Variants in MYO16 observed in about 807,000 individuals in gnomAD.
MYO16 encodes the protein unconventional myosin-XVI.
Under a neutral mutation model 205.3 loss-of-function variants are expected in MYO16, and 94 were observed. The observed-to-expected ratio is 0.46, with a 90% confidence interval of 0.39 to 0.54. MYO16 has a LOEUF of 0.54. MYO16 is among the 20% of genes least tolerant of loss of function. The pLI, the probability that MYO16 is intolerant of heterozygous loss-of-function variation, is 0.00. For missense variants in MYO16, 2,315 were observed against 2,387.5 expected (o/e 0.97, Z 0.63); for synonymous variants, 988 against 954.0 (o/e 1.04, Z -0.66).
At chr13:109,037,255 T>G (rs2139570279) in intron 23 of MYO16, among the ~76,000 whole-genome samples, 2 of 152,352 alleles carry the variant, frequency 1.3e-5, no homozygotes, top group East Asian at 1.9e-4. Flanking sequence ...TATGCGAAGT[T>G]ATTGCCCCTT....
At chr13:108,876,757 C>A (rs1879346705) in intron 12 of MYO16, among the ~76,000 whole-genome samples, 1 of 151,528 alleles carries the variant, frequency 6.6e-6, no homozygotes, top group Non-Finnish European at 1.5e-5. Flanking sequence ...ACCTCTGCCT[C>A]CCAGGTTCAA....
At chr13:108,557,013 C>G in the MYO16 span, among the ~76,000 whole-genome samples, 5 of 152,106 alleles carry the variant, frequency 3.3e-5, no homozygotes, top group Admixed American at 1.3e-4. Flanking sequence ...ATGCTGGTAC[C>G]GTGGTATTTT....
At chr13:109,201,103 T>C (rs1210568721) in intron 34 of MYO16, among the ~76,000 whole-genome samples, 1 of 152,206 alleles carries the variant, frequency 6.6e-6, no homozygotes, top group African/African-American at 2.4e-5. Context: ...TATTTTCATA[T>C]CCTTTTCTCT....
chr13:108,782,097 CA>C (rs1886322324), intron 4 of MYO16, among the ~76,000 whole-genome samples: 2 of 152,130 alleles, frequency 1.3e-5, no homozygotes, highest in Admixed American at 1.3e-4. Context: ...GGGTAACAGG[CA>C]GAGGTTGGAG....
intron 1 of MYO16, among the ~76,000 whole-genome samples, chr13:108,653,650 T>C (rs1488500538): frequency 6.6e-6 from 1 of 151,992 alleles, no homozygotes; most frequent in Non-Finnish European, 1.5e-5. Context: ...ACTGGTATCA[T>C]TTAGTATGTT....
chr13:109,125,306 T>A lies in MYO16; in HGVS notation c.3730T>A (p.Tyr1244Asn). The change falls in exon 30 of 35, where the codon TAC becomes AAC. Residue 1244 changes from tyrosine (Y) to asparagine (N), a missense_variant. Physicochemically the swap from Tyr to Asn is moderately radical, Grantham distance 143 (BLOSUM62 -2). Transcript: ENST00000457511. The surrounding 1 kb of genome is among the most constrained non-coding windows in gnomAD (Gnocchi z 4.0). ...DRLRSEMNAP[Y>N]HKEKLEVRNM... The stretch of plus-strand genomic sequence containing the variant: ...GCTCCGTAGTGAAATGAACGCTCCC[T>A]ACCATAAAGAGAAGTTAGAGGTCAG... 6.2e-7 allele frequency: 1 copy of A among 1,614,122 alleles called. No individual in the cohort carries two copies. The highest frequency in any genetic ancestry group is 1.1e-5 in the South Asian group (1 of 91,078).
rs546062072 is a variant in MYO16 at position 109,071,929 on chromosome 13, A to T, written c.3335+16334A>T. On this transcript the variant is annotated intron_variant, in intron 27 of 34. Coordinates refer to ENST00000457511, the MANE Select transcript of MYO16 (RefSeq NM_001198950.3). ...TAAGACCAATGTTAATGCCATAATC[A>T]CCTTCCCACACTTGAATGAAAAACT... 8.5e-5 allele frequency among the ~76,000 whole-genome samples: 13 copies of T among 152,280 alleles called. No individual in the cohort carries two copies. In the South Asian group the frequency reaches 2.7e-3, roughly 32 times the overall value.
chr13:108,725,000 A>C (rs565204946), intron 3 of MYO16, among the ~76,000 whole-genome samples: 2 of 151,878 alleles, frequency 1.3e-5, no homozygotes, highest in Non-Finnish European at 2.9e-5. Flanking sequence ...TTAAAAAATC[A>C]TTTTTCTTTC....
At chr13:108,929,179 C>G (rs981339637) in intron 16 of MYO16, among the ~76,000 whole-genome samples, 2 of 152,064 alleles carry the variant, frequency 1.3e-5, no homozygotes, top group Non-Finnish European at 2.9e-5. Flanking sequence ...CCTGAAGGAG[C>G]CAAACTCAGG....
rs747716313 is a variant in MYO16 at position 108,918,042 on chromosome 13, G to A, written c.1925+7892G>A. On this transcript the variant is annotated intron_variant, in intron 16 of 34. Transcript: ENST00000457511. Reference sequence around the variant, plus strand: ...TTGATGTTTGAACTTCAACCTGTTCGATTCTCAATTATTTTTGTGAATGGT... The same window carrying A: ...TTGATGTTTGAACTTCAACCTGTTCAATTCTCAATTATTTTTGTGAATGGT... 3.2e-4 allele frequency among the ~76,000 whole-genome samples: 49 copies of A among 152,314 alleles called. No homozygotes were observed. In the Middle Eastern group the frequency reaches 0.01, roughly 32 times the overall value.
intron 12 of MYO16, among the ~76,000 whole-genome samples, chr13:108,867,383 A>C (rs1878774547): frequency 6.6e-6 from 1 of 152,014 alleles, no homozygotes; most frequent in Non-Finnish European, 1.5e-5. Flanking sequence ...AATAAAGTAA[A>C]ATTAAATTAA....
intron 13 of MYO16, 71 bp from the exon 14 acceptor site, chr13:108,888,301 A>G (rs1163479186): frequency 3.8e-6 from 4 of 1,066,284 alleles, no homozygotes; most frequent in Non-Finnish European, 5.4e-6. Flanking sequence ...AAGTAGTTTC[A>G]AAGGAACAAA....
In MYO16 at chr13:108,806,691, T is replaced by A. The variant is rs778078535; in HGVS notation, c.754T>A (p.Cys252Ser). 4 of 1,613,106 alleles carry A rather than the reference T, an allele frequency of 2.5e-6. No homozygotes were observed. Among genetic ancestry groups the A allele is most frequent in the Admixed American group, 3.3e-5 (2 of 59,992 alleles). ...CTCTTCGCTGCAGTTACACATGGCGTGTGCGAGTGGCTACAAGGAGGTGGT... is the reference window on the plus strand; with the variant it reads ...CTCTTCGCTGCAGTTACACATGGCGAGTGCGAGTGGCTACAAGGAGGTGGT... ...DEGVTLLHMA[C>S]ASGYKEVVSL... The change falls in exon 7 of 35, where the codon TGT becomes AGT. Residue 252 changes from cysteine to serine, a missense_variant. Around this residue, in one of 3 missense-constraint regions of MYO16, gnomAD observed 1,213 missense variants for 1,274.4 expected, o/e 0.95. Transcript: ENST00000457511.
chr13:108,516,280 A>G, the MYO16 span, among the ~76,000 whole-genome samples: 2 of 151,290 alleles, frequency 1.3e-5, no homozygotes, highest in Non-Finnish European at 2.9e-5. Flanking sequence ...CGGAAAGGGA[A>G]CTTCCTGACC....
At chr13:109,012,381 A>G (rs1885631425) in intron 22 of MYO16, among the ~76,000 whole-genome samples, 2 of 152,160 alleles carry the variant, frequency 1.3e-5, no homozygotes, top group Admixed American at 1.3e-4. Context: ...AGCTCCTGTC[A>G]AATCAGTGGC....
chr13:108,594,006 G>A (rs189717810), upstream of MYO16, among the ~76,000 whole-genome samples: 1 of 152,264 alleles, frequency 6.6e-6, no homozygotes, highest in African/African-American at 2.4e-5. Context: ...CTGTGCTCAT[G>A]ATGGAACAAG....
chr13:109,141,155 C>G lies in MYO16; in HGVS notation c.4943C>G (p.Ala1648Gly). The change falls in exon 32 of 35, where the codon GCC becomes GGC. Residue 1648 changes from alanine (A) to glycine (G), a missense_variant. By Grantham distance (60) the Ala-to-Gly change is moderately conservative (BLOSUM62 0). Around this residue, in one of 3 missense-constraint regions of MYO16, gnomAD observed 1,097 missense variants for 1,092.0 expected, o/e 1.00. Coordinates refer to ENST00000457511, the MANE Select transcript of MYO16 (RefSeq NM_001198950.3). The surrounding 1 kb of genome is among the most constrained non-coding windows in gnomAD (Gnocchi z 4.1). ...CCAAAGCCAAACTCTGCCCCCGTGG[C>G]CGGGCCCTGCAGCTCCTTCCCCAAG... Reference protein sequence around the residue: ...VHPKPNSAPVAGPCSSFPKIP... With the variant: ...VHPKPNSAPVGGPCSSFPKIP... 1 of 1,604,526 alleles carries G rather than the reference C, an allele frequency of 6.2e-7. No homozygotes were observed. The highest frequency in any genetic ancestry group is 8.5e-7 in the Non-Finnish European group (1 of 1,175,480).
At chr13:109,105,848 C>T (rs1889108992) in intron 28 of MYO16, among the ~76,000 whole-genome samples, 1 of 152,198 alleles carries the variant, frequency 6.6e-6, no homozygotes, top group Non-Finnish European at 1.5e-5. Context: ...TTGGCAAAGT[C>T]ATACATGTTG....
chr13:108,778,348 G>C (rs1286828339), intron 4 of MYO16, among the ~76,000 whole-genome samples: 3 of 152,224 alleles, frequency 2.0e-5, no homozygotes, highest in African/African-American at 7.2e-5. Flanking sequence ...GTTGGGTGCA[G>C]TGGCTCATGC....
Sources: gnomAD v4.1 joint callset for allele counts (sites outside exome capture counted in the v4.1 genomes callset) on GRCh38, gnomAD v4.1.1 for gene constraint, gnomAD v4.1.1 regional missense constraint, Gnocchi (gnomAD v3.1) non-coding constraint, MANE v1.5 for transcripts, NCBI Gene and HGNC (gene_info 2026-07-23, HGNC 2026-07-21) for gene names.